Variants in MIA2 observed in about 807,000 individuals in gnomAD.
The protein encoded by MIA2 is melanoma inhibitory activity protein 2.
Under a neutral mutation model 167.8 loss-of-function variants are expected in MIA2, and 127 were observed. That is an observed-to-expected ratio of 0.76 (90% CI 0.66 to 0.88). The LOEUF (loss-of-function observed/expected upper bound fraction) is 0.88. Ranked by LOEUF, MIA2 falls within the 40% of genes least tolerant of loss-of-function variation. MIA2 has a pLI of 0.00. For missense variants in MIA2, 1,690 were observed against 1,624.7 expected, an observed-to-expected ratio of 1.04 and a Z score of -0.69; for synonymous variants, 552 against 541.9, an observed-to-expected ratio of 1.02 and a Z score of -0.26.
In MIA2 at chr14:39,247,695, A is replaced by G; in HGVS notation, c.1121A>G (p.Lys374Arg). Residue 374 changes from lysine (K) to arginine (R), a missense_variant, in exon 4 of 29, where the codon AAG (lysine) becomes AGG (arginine). By Grantham distance (26) the Lys-to-Arg change is conservative (BLOSUM62 2). Coordinates refer to ENST00000640607, the MANE Select transcript of MIA2 (RefSeq NM_001329214.4). The part of the protein sequence containing the change: ...DTITNDSLSL[K>R]PSWFDFGFAI... Reference sequence around the variant, plus strand: ...ATCACTAATGATAGCTTGAGTCTCAAGCCAAGTTGGTTTGATTTTGGTTTT... The same window carrying G: ...ATCACTAATGATAGCTTGAGTCTCAGGCCAAGTTGGTTTGATTTTGGTTTT... The G allele has an allele frequency of 6.2e-7, 1 of 1,612,030 alleles. No individual in the cohort carries two copies. Among genetic ancestry groups the G allele is most frequent in the South Asian group, 1.1e-5 (1 of 90,408 alleles).
Position 39,252,958 on chromosome 14 carries a change from C to T in MIA2, c.1778C>T (p.Ser593Phe). Reference sequence around the variant, plus strand: ...TCTTTGTCTTCTCAAAATTATATTTCTCAGAAAGGTAAGAAACAGGTTATT... The same window carrying T: ...TCTTTGTCTTCTCAAAATTATATTTTTCAGAAAGGTAAGAAACAGGTTATT... ...DNSLSSQNYI[S>F]QKEDASEFQI... is the part of the protein sequence containing the mutation. The change falls in exon 5 of 29, where the codon TCT becomes TTT. Residue 593 changes from serine (S) to phenylalanine (F), a missense_variant. By Grantham distance (155) the Ser-to-Phe change is radical. Coordinates refer to ENST00000640607, the MANE Select transcript of MIA2 (RefSeq NM_001329214.4). 1 of 1,602,800 alleles carries T rather than the reference C, an allele frequency of 6.2e-7. No homozygotes were observed. Among genetic ancestry groups the T allele is most frequent in the Non-Finnish European group, 8.5e-7 (1 of 1,173,466 alleles).
chr14:39,291,397 G>T (rs2060723567), intron 10 of MIA2, among the ~76,000 whole-genome samples: 1 of 152,142 alleles, frequency 6.6e-6, no homozygotes, highest in Non-Finnish European at 1.5e-5. Flanking sequence ...AATGTATTAA[G>T]GTGATCGTTC....
chr14:39,286,375 A>G (rs1226769161), intron 9 of MIA2, among the ~76,000 whole-genome samples: 1 of 151,922 alleles, frequency 6.6e-6, no homozygotes, highest in Non-Finnish European at 1.5e-5. Flanking sequence ...GGGAGGTTGC[A>G]GTGAGCGGAG....
chr14:39,255,063 C>T (rs1372165177), intron 6 of MIA2, among the ~76,000 whole-genome samples: 1 of 152,142 alleles, frequency 6.6e-6, no homozygotes, highest in Non-Finnish European at 1.5e-5. Flanking sequence ...TAATAGCATA[C>T]ATCATTTTGC....
At chr14:39,275,299 C>T (rs1442214360) in intron 6 of MIA2, among the ~76,000 whole-genome samples, 4 of 151,900 alleles carry the variant, frequency 2.6e-5, no homozygotes, top group Admixed American at 1.3e-4. Flanking sequence ...TGCCACCATG[C>T]CTGGCTAATT....
intron 9 of MIA2, among the ~76,000 whole-genome samples, chr14:39,287,841 A>C (rs1255165492): frequency 6.6e-6 from 1 of 151,906 alleles, no homozygotes; most frequent in Admixed American, 6.6e-5. Context: ...GATTACAGGC[A>C]TGAGCCACTA....
chr14:39,336,420 T>C (rs2153035531), intron 25 of MIA2, among the ~76,000 whole-genome samples: 1 of 152,348 alleles, frequency 6.6e-6, no homozygotes, highest in African/African-American at 2.4e-5. Flanking sequence ...TTATTTTCAG[T>C]AGCAGACTCA....
intron 17 of MIA2, among the ~76,000 whole-genome samples, chr14:39,304,750 C>T (rs1019408322): frequency 1.3e-5 from 2 of 152,060 alleles, no homozygotes; most frequent in African/African-American, 4.8e-5. Context: ...AATAGTGGTA[C>T]TATTTGCAGT....
At chr14:39,324,850 G>A (rs777538909) in intron 24 of MIA2, among the ~76,000 whole-genome samples, 20 of 152,134 alleles carry the variant, frequency 1.3e-4, no homozygotes, top group South Asian at 4.1e-4. Flanking sequence ...CAGGTGATCC[G>A]CCCACCTCGG....
intron 6 of MIA2, chr14:39,265,266 A>C (rs1008364504): frequency 8.2e-5 from 62 of 760,636 alleles, no homozygotes; most frequent in Non-Finnish European, 1.2e-4. Flanking sequence ...CAAATGTCAA[A>C]ACGGGATCAC....
At chr14:39,316,569 G>A (rs2065487413) in intron 21 of MIA2, among the ~76,000 whole-genome samples, 1 of 152,188 alleles carries the variant, frequency 6.6e-6, no homozygotes, top group Non-Finnish European at 1.5e-5. Flanking sequence ...TATTGTTGTA[G>A]TGAAGCTTGG....
intron 6 of MIA2, chr14:39,267,596 G>T (rs2056137684): frequency 6.4e-7 from 1 of 1,557,660 alleles, no homozygotes; most frequent in Non-Finnish European, 8.7e-7. Flanking sequence ...GCAGTAGACC[G>T]GCTTTGGGGT....
chr14:39,342,662 A>G (rs1235211953), intron 25 of MIA2, among the ~76,000 whole-genome samples: 9 of 152,218 alleles, frequency 5.9e-5, no homozygotes, highest in Admixed American at 5.9e-4. Context: ...GAATTTACAT[A>G]TTAATATTTG....
intron 23 of MIA2, among the ~76,000 whole-genome samples, chr14:39,361,568 A>T (rs1238835107): frequency 2.0e-5 from 3 of 151,584 alleles, no homozygotes; most frequent in South Asian, 2.1e-4. Context: ...CCTTGTGAGT[A>T]TCTGGGATTA....
At chr14:39,271,657 C>T (rs976921901) in intron 6 of MIA2, among the ~76,000 whole-genome samples, 2 of 151,892 alleles carry the variant, frequency 1.3e-5, no homozygotes, top group Non-Finnish European at 2.9e-5. Flanking sequence ...AAGCTGGGTG[C>T]AGTGGTTCAT....
chr14:39,300,810 AT>A (rs1434752800), intron 14 of MIA2, among the ~76,000 whole-genome samples: 1 of 145,992 alleles, frequency 6.8e-6, no homozygotes, highest in Non-Finnish European at 1.5e-5. Flanking sequence ...AGAACTTAAA[AT>A]ATAATAAAAA....
intron 9 of MIA2, among the ~76,000 whole-genome samples, chr14:39,282,975 A>G (rs2059158620): frequency 2.0e-5 from 3 of 152,206 alleles, no homozygotes; most frequent in Admixed American, 2.0e-4. Flanking sequence ...TTCCGCATAT[A>G]AGTGAGATCA....
At chr14:39,327,267 G>A (rs1160850482) in intron 25 of MIA2, among the ~76,000 whole-genome samples, 3 of 149,484 alleles carry the variant, frequency 2.0e-5, no homozygotes, top group Non-Finnish European at 4.4e-5. Flanking sequence ...AGGTAATAAT[G>A]CATGTTTACT....
chr14:39,379,483 C>T (rs908009958), intron 23 of MIA2, among the ~76,000 whole-genome samples: 14 of 152,078 alleles, frequency 9.2e-5, no homozygotes, highest in South Asian at 2.1e-4. Context: ...ACTCCCCTCT[C>T]CCGTCGTACA....
Sources: allele counts gnomAD v4.1 joint callset (sites outside exome capture counted in the v4.1 genomes callset), GRCh38; gene constraint gnomAD v4.1.1; transcripts MANE v1.5; gene names NCBI Gene and HGNC (gene_info 2026-07-23, HGNC 2026-07-21).